MSLN: variants seen among roughly 807,000 people sequenced by gnomAD.
The protein encoded by MSLN is mesothelin.
A neutral mutation model predicts 72.6 loss-of-function variants in MSLN; 82 were observed. That is an observed-to-expected ratio of 1.13 (90% CI 0.94 to 1.36). The LOEUF is 1.36. MSLN is among the 40% of genes most tolerant of loss of function. The probability of loss-of-function intolerance (pLI) is 0.00; values close to 1 mark genes in which losing one functional copy is unlikely to be tolerated. For synonymous variants in MSLN, 456 were observed against 387.3 expected, an observed-to-expected ratio of 1.18 and a Z score of -2.08; for missense variants, 1,005 against 847.9, an observed-to-expected ratio of 1.19 and a Z score of -2.30.
chr16:765,489 C>T lies in MSLN; in HGVS notation c.705-38C>T, dbSNP rs375370505. 4.7e-5 allele frequency: 74 copies of T among 1,564,698 alleles called. No homozygotes were observed. In the South Asian group the frequency reaches 5.2e-4, roughly 11 times the overall value. ...GGCCTCTTCCCTCTCTGGGGCTGCA[C>T]GTGGGGGGTCCCTGAGCTGTGTCCC... On this transcript the variant is annotated intron_variant, in intron 9 of 17. Coordinates refer to ENST00000545450, the MANE Select transcript of MSLN (RefSeq NM_005823.6).
In MSLN at chr16:765,234, C is replaced by G. The variant is rs545304974; in HGVS notation, c.635C>G (p.Pro212Arg). Reference protein sequence around the residue: ...EVLLPRLVSCPGPLDQDQQEA... With the variant: ...EVLLPRLVSCRGPLDQDQQEA... Reference sequence around the variant, plus strand: ...CTGCTACCCCGGCTGGTGAGCTGCCCGGGACCCCTGGACCAGGACCAGCAG... The same window carrying G: ...CTGCTACCCCGGCTGGTGAGCTGCCGGGGACCCCTGGACCAGGACCAGCAG... The change falls in exon 9 of 18, where the codon CCG becomes CGG. Residue 212 changes from proline (P) to arginine (R), a missense_variant. Pro to Arg is a moderately radical substitution (Grantham distance 103). Transcript: ENST00000545450. 3.2e-6 allele frequency: 5 copies of G among 1,584,350 alleles called. No homozygotes were observed. Among genetic ancestry groups the G allele is most frequent in the Non-Finnish European group, 4.3e-6 (5 of 1,171,670 alleles).
intron 17 of MSLN, 27 bp downstream of exon 17, chr16:768,592 G>C (rs372479257): frequency 6.2e-7 from 1 of 1,610,110 alleles, no homozygotes; most frequent in South Asian, 1.1e-5. Context: ...GGCCAGGGCT[G>C]GGGGCAGAGC....
Position 764,019 on chromosome 16 carries a change from G to T in MSLN, c.180-4G>T. The T allele has an allele frequency of 6.3e-7, 1 of 1,598,878 alleles. No individual in the cohort carries two copies. The highest frequency in any genetic ancestry group is 8.5e-7 in the Non-Finnish European group (1 of 1,179,220). Reference sequence around the variant, plus strand: ...GTGGGTGCCCAGCCCGACCCTTCCTGCAGCCTCTCCCCTCGCCAACTCCTT... The same window carrying T: ...GTGGGTGCCCAGCCCGACCCTTCCTTCAGCCTCTCCCCTCGCCAACTCCTT... On this transcript the variant is annotated splice_polypyrimidine_tract_variant and splice_region_variant and intron_variant, in intron 5 of 17. Transcript: ENST00000545450.
intron 2 of MSLN, 138 bp from the exon 3 acceptor site, chr16:762,534 G>A (rs1197230191): frequency 1.5e-5 from 10 of 677,910 alleles, no homozygotes; most frequent in South Asian, 5.1e-5. Context: ...GGCAGGGCCA[G>A]GGTGCGGACA....
Position 763,715 on chromosome 16 carries a change from C to T in MSLN, c.179+24C>T, listed in dbSNP as rs761702077. The stretch of plus-strand genomic sequence containing the variant: ...AGGTGGGTCTGGGGTCCTCACAGTC[C>T]TCAAGGGTGAGGCTCGAGGGGCCCT... On this transcript the variant is annotated intron_variant, in intron 5 of 17. Transcript: ENST00000545450. 21 of 1,586,732 alleles carry T rather than the reference C, an allele frequency of 1.3e-5. No homozygotes were observed. The South Asian group carries it at 2.0e-4, about 15-fold the overall frequency.
intron 2 of MSLN, 65 bp from the exon 3 acceptor site, chr16:762,607 C>T (rs754116394): frequency 6.3e-6 from 8 of 1,271,198 alleles, no homozygotes; most frequent in Non-Finnish European, 9.1e-6. Flanking sequence ...TGGCCCCAGG[C>T]TGGCCCAGGA....
chr16:762,901 G>A, intron 3 of MSLN, 136 bp downstream of exon 3: 1 of 686,060 alleles, frequency 1.5e-6, no homozygotes, highest in Non-Finnish European at 2.4e-6. Flanking sequence ...AGCAGTCTCT[G>A]CCCCCAGAGG....
intron 5 of MSLN, 66 bp from the exon 6 acceptor site, chr16:763,957 G>C (rs1433008657): frequency 6.3e-7 from 1 of 1,579,422 alleles, no homozygotes; most frequent in Non-Finnish European, 8.5e-7. Context: ...GTGGGGCTTG[G>C]GGAGCACTGG....
chr16:765,351 A>T (rs1203515372), intron 9 of MSLN, 48 bp downstream of exon 9: 4 of 1,494,906 alleles, frequency 2.7e-6, no homozygotes, highest in East Asian at 4.8e-5. Context: ...GCGGCGTGGT[A>T]TCAGCAGCGT....
At chr16:768,112 A>AGGGGCGCAT (rs2041663740) in intron 16 of MSLN, among the ~76,000 whole-genome samples, 1 of 35,710 alleles carries the variant, frequency 2.8e-5, no homozygotes. Context: ...GGGCGCATGG[A>AGGGGCGCAT]GGAGGGGCCA....
rs577527940 is a variant in MSLN, at chr16:768,137, G to A, written c.1597-242G>A. Among the ~76,000 whole-genome samples the A allele has an allele frequency of 4.1e-4, 62 of 149,680 alleles. 3 individuals carry two copies. The South Asian group carries it at 0.013, about 31-fold the overall frequency. ...AGGAGGGGCCAACGGGGGGTGGGAG[G>A]GCGTGTAAGGCGGGTCTGCAGTGGG... On this transcript the variant is annotated intron_variant, in intron 16 of 17. Transcript: ENST00000545450.
chr16:765,359 CG>C, intron 9 of MSLN, 56 bp downstream of exon 9: 1 of 1,477,996 alleles, frequency 6.8e-7, no homozygotes, highest in Non-Finnish European at 9.0e-7. Flanking sequence ...GTATCAGCAG[CG>C]TGAGGACACT....
At chr16:767,098 C>T (rs879439023) in intron 15 of MSLN, 86 bp downstream of exon 15, 93 of 1,582,328 alleles carry the variant, frequency 5.9e-5, no homozygotes, top group Admixed American at 6.7e-5. Flanking sequence ...TTTGCCTCGC[C>T]GGGCCGTCTG....
In MSLN at chr16:765,146, C is replaced by G; in HGVS notation, c.547C>G (p.Arg183Gly). ...GTCTCTGCTGAGCGAGGCTGATGTG[C>G]GGGCTCTGGGAGGCCTGGCTTGCGA... ...RGSLLSEADVRALGGLACDLP... is the reference protein window; with the variant it reads ...RGSLLSEADVGALGGLACDLP... Residue 183 changes from arginine to glycine, a missense_variant, in exon 9 of 18, where the codon CGG (arginine) becomes GGG (glycine). Coordinates refer to ENST00000545450, the MANE Select transcript of MSLN (RefSeq NM_005823.6). 1 of 1,603,282 alleles carries G rather than the reference C, an allele frequency of 6.2e-7. No homozygotes were observed. Among genetic ancestry groups the G allele is most frequent in the Non-Finnish European group, 8.5e-7 (1 of 1,178,600 alleles).
At position 763,249 on chromosome 16, in the gene MSLN, G is replaced by C. The variant is rs374879471; in HGVS notation, c.102G>C (p.Ser34=). The C allele has an allele frequency of 9.7e-6, 15 of 1,542,154 alleles. No individual in the cohort carries two copies. Among genetic ancestry groups the C allele is most frequent in the African/African-American group, 2.8e-5 (2 of 72,190 alleles). The change falls in exon 4 of 18, where the codon TCG becomes TCC. Residue 34 remains serine (S), a synonymous_variant. Coordinates refer to ENST00000545450, the MANE Select transcript of MSLN (RefSeq NM_005823.6). ...LLFSLGWVQP[S]RTLAGETGQE... is the part of the protein sequence containing the mutation. ...CCCCTTTAGGATGGGTGCAGCCCTC[G>C]AGGACCCTGGCTGGAGAGACAGGGC...
At chr16:761,899 G>A (rs1160140830) in intron 2 of MSLN, among the ~76,000 whole-genome samples, 1 of 152,218 alleles carries the variant, frequency 6.6e-6, no homozygotes, top group East Asian at 1.9e-4. Context: ...CTCCGCCATG[G>A]TGGCCTCCCT....
Position 766,488 on chromosome 16 carries a change from C to G in MSLN, c.1228C>G (p.Gln410Glu), listed in dbSNP as rs2041611368. ...CAACAAAGGGCACGAAATGAGTCCT[C>G]AGGTGACCGTCCGGCTCGGGGGTCA... ...EVNKGHEMSP[Q>E]VATLIDRFVK... The change falls in exon 13 of 18, where the codon CAG becomes GAG. Residue 410 changes from glutamine to glutamate, a missense_variant and splice_region_variant. By Grantham distance (29) the Gln-to-Glu change is conservative (BLOSUM62 2). Transcript: ENST00000545450. The G allele has an allele frequency of 1.2e-6, 2 of 1,612,590 alleles. No individual in the cohort carries two copies. The highest frequency in any genetic ancestry group is 3.3e-5 in the Admixed American group (2 of 60,008).
chr16:765,009 G>T lies in MSLN; in HGVS notation c.483G>T (p.Arg161=). The change falls in exon 8 of 18, where the codon CGG becomes CGT. Residue 161 remains arginine (R), a synonymous_variant. Transcript: ENST00000545450. ...CGAGGGGGGCTCCCGAGCGACAGCG[G>T]CTGCTGCCTGCGGCTCTGGCCTGCT... ...LLPRGAPERQ[R]LLPAALACWG... is the part of the protein sequence containing the mutation. The T allele has an allele frequency of 1.2e-6, 2 of 1,611,574 alleles. No homozygotes were observed. The highest frequency in any genetic ancestry group is 1.7e-6 in the Non-Finnish European group (2 of 1,179,504).
chr16:766,474 A>G lies in MSLN; in HGVS notation c.1214A>G (p.His405Arg), dbSNP rs2041611025. 5.0e-6 allele frequency: 8 copies of G among 1,612,620 alleles called. No individual in the cohort carries two copies. Among genetic ancestry groups the G allele is most frequent in the Non-Finnish European group, 5.9e-6 (7 of 1,179,894 alleles). The change falls in exon 13 of 18, where the codon CAC becomes CGC. Residue 405 changes from histidine to arginine, a missense_variant. His to Arg is a conservative substitution (Grantham distance 29). Coordinates refer to ENST00000545450, the MANE Select transcript of MSLN (RefSeq NM_005823.6). ...LKALLEVNKG[H>R]EMSPQVATLI... ...GCTTTGCTTGAAGTCAACAAAGGGC[A>G]CGAAATGAGTCCTCAGGTGACCGTC...
Sources: gnomAD v4.1 joint callset for allele counts (sites outside exome capture counted in the v4.1 genomes callset) on GRCh38, gnomAD v4.1.1 for gene constraint, MANE v1.5 for transcripts, NCBI Gene and HGNC (gene_info 2026-07-23, HGNC 2026-07-21) for gene names.